The following TASP1 variants were observed in gnomAD, a reference collection of about 807,000 sequenced individuals.
The protein encoded by TASP1 is taspase 1.
Under a neutral mutation model 56.6 loss-of-function variants are expected in TASP1, and 16 were observed. The observed-to-expected ratio is 0.28, with a 90% CI of 0.19 to 0.43. The LOEUF (loss-of-function observed/expected upper bound fraction) is 0.43. Among genes scored for constraint, TASP1 ranks in the 20% least tolerant of loss-of-function variants. TASP1 has a pLI of 1.00. For synonymous variants in TASP1, 179 were observed against 184.2 expected, an observed-to-expected ratio of 0.97 and a Z score of 0.23; for missense variants, 393 against 511.6, an observed-to-expected ratio of 0.77 and a Z score of 2.24.
At chr20:13,368,436 G>A in the TASP1 span, 3 of 152,170 alleles carry the variant, frequency 2.0e-5, no homozygotes, top group Non-Finnish European at 4.4e-5. Context: ...TTCCAGAATT[G>A]TTGTATAGGT....
chr20:13,459,946 A>G (rs1384267333), intron 11 of TASP1, among the ~76,000 whole-genome samples: 2 of 152,154 alleles, frequency 1.3e-5, no homozygotes, highest in African/African-American at 2.4e-5. Context: ...CATCTATAGA[A>G]AAACATACAC....
At chr20:13,198,792 GTCTTTCTTTCTTTCTTTC>G in the TASP1 span, among the ~76,000 whole-genome samples, 2 of 114,144 alleles carry the variant, frequency 1.8e-5, no homozygotes, top group South Asian at 6.9e-4. Context: ...TTCTTTCTTT[GTCTTTCTTTCTTTCTTTC>G]TTTCTTTCTT....
chr20:13,381,235 G>C, the TASP1 span, among the ~76,000 whole-genome samples: 1 of 152,216 alleles, frequency 6.6e-6, no homozygotes, highest in African/African-American at 2.4e-5. Flanking sequence ...CCTGGTCTGT[G>C]GGTTGCGAAG....
the TASP1 span, chr20:13,221,969 G>A: frequency 8.5e-5 from 110 of 1,292,958 alleles, no homozygotes; most frequent in Admixed American, 2.5e-4. Flanking sequence ...TTTGTGGGGC[G>A]GGGGTGCTGA....
At chr20:13,379,840 T>C in the TASP1 span, among the ~76,000 whole-genome samples, 1 of 152,214 alleles carries the variant, frequency 6.6e-6, no homozygotes, top group East Asian at 1.9e-4. Context: ...AACTCTGATA[T>C]CCTTTCTTCC....
chr20:13,378,458 T>A, the TASP1 span, among the ~76,000 whole-genome samples: 1 of 152,216 alleles, frequency 6.6e-6, no homozygotes, highest in Non-Finnish European at 1.5e-5. Context: ...ATGATTTCCA[T>A]TGTTTTGCAT....
intron 11 of TASP1, among the ~76,000 whole-genome samples, chr20:13,463,826 T>C (rs1600874583): frequency 6.6e-6 from 1 of 152,102 alleles, no homozygotes; most frequent in Middle Eastern, 3.4e-3. Flanking sequence ...TTAGGATGGC[T>C]ACTATCAAAA....
At chr20:13,241,260 T>C in the TASP1 span, among the ~76,000 whole-genome samples, 1 of 152,132 alleles carries the variant, frequency 6.6e-6, no homozygotes, top group East Asian at 1.9e-4. Context: ...GGTGAGGAAA[T>C]GGAGACAGAA....
At chr20:13,364,642 C>T in the TASP1 span, among the ~76,000 whole-genome samples, 4 of 152,134 alleles carry the variant, frequency 2.6e-5, no homozygotes, top group South Asian at 2.1e-4. Flanking sequence ...ATCTGACCCC[C>T]GAGATGGGTC....
At chr20:13,119,741 T>C in the TASP1 span, among the ~76,000 whole-genome samples, 1 of 152,208 alleles carries the variant, frequency 6.6e-6, no homozygotes, top group Admixed American at 6.5e-5. Flanking sequence ...AGAGATTCGT[T>C]AGCCTACGCT....
chr20:13,250,147 A>G, the TASP1 span, among the ~76,000 whole-genome samples: 1 of 152,220 alleles, frequency 6.6e-6, no homozygotes, highest in Non-Finnish European at 1.5e-5. Flanking sequence ...CCCAGGGTTC[A>G]TGCCATGAAA....
At chr20:13,350,565 C>T in the TASP1 span, among the ~76,000 whole-genome samples, 1 of 152,144 alleles carries the variant, frequency 6.6e-6, no homozygotes, top group African/African-American at 2.4e-5. Flanking sequence ...GAAAGGCAAG[C>T]TACAGACTGA....
the TASP1 span, among the ~76,000 whole-genome samples, chr20:13,217,702 A>G: frequency 6.6e-6 from 1 of 152,188 alleles, no homozygotes; most frequent in African/African-American, 2.4e-5. Context: ...CAAATACCAG[A>G]TTTGTTACAT....
the TASP1 span, among the ~76,000 whole-genome samples, chr20:13,209,881 T>C: frequency 3.9e-5 from 6 of 152,202 alleles, no homozygotes; most frequent in East Asian, 1.9e-4. Context: ...ACAGTTTACA[T>C]AGAGTGCACA....
At chr20:13,500,511 A>G (rs1487214229) in intron 10 of TASP1, among the ~76,000 whole-genome samples, 3 of 151,806 alleles carry the variant, frequency 2.0e-5, no homozygotes, top group African/African-American at 7.3e-5. Flanking sequence ...AGGTTTTTAA[A>G]TGAAAAATAA....
At chr20:13,437,933 C>T (rs1278809547) in intron 11 of TASP1, among the ~76,000 whole-genome samples, 2 of 152,160 alleles carry the variant, frequency 1.3e-5, no homozygotes, top group East Asian at 3.9e-4. Context: ...GGCCATACTG[C>T]CCAAGGTAAT....
the TASP1 span, among the ~76,000 whole-genome samples, chr20:13,302,259 G>T: frequency 7.2e-5 from 11 of 152,194 alleles, no homozygotes; most frequent in African/African-American, 2.7e-4. Flanking sequence ...CTGAGAGTTG[G>T]AAGGTGGGGT....
At chr20:13,371,464 C>T in the TASP1 span, among the ~76,000 whole-genome samples, 1 of 126,294 alleles carries the variant, frequency 7.9e-6, no homozygotes. Context: ...TCGTGAATTT[C>T]CCAAATCTTT....
the TASP1 span, among the ~76,000 whole-genome samples, chr20:13,354,099 T>C: frequency 6.6e-6 from 1 of 152,168 alleles, no homozygotes; most frequent in African/African-American, 2.4e-5. Flanking sequence ...GGATAGCTCA[T>C]TTTTTTGAAA....
Sources: allele counts gnomAD v4.1 joint callset (sites outside exome capture counted in the v4.1 genomes callset), GRCh38; gene constraint gnomAD v4.1.1; transcripts MANE v1.5; gene names NCBI Gene and HGNC (gene_info 2026-07-23, HGNC 2026-07-21).